Variants in RAB11FIP4 observed in about 807,000 individuals in gnomAD.
RAB11FIP4 encodes RAB11 family interacting protein 4.
In RAB11FIP4, 23 loss-of-function variants were observed where a neutral mutation model predicts 74.3. That is an observed-to-expected ratio of 0.31 (90% CI 0.22 to 0.44). The LOEUF is 0.44. RAB11FIP4 is among the 20% of genes least tolerant of loss of function. The probability of loss-of-function intolerance (pLI) is 1.00; values close to 1 mark genes in which losing one functional copy is unlikely to be tolerated. For synonymous variants in RAB11FIP4, 360 were observed against 359.9 expected (o/e 1.00, Z 0.00); for missense variants, 630 against 863.9 (o/e 0.73, Z 3.39).
intron 3 of RAB11FIP4, among the ~76,000 whole-genome samples, chr17:31,485,031 T>C (rs2071887608): frequency 6.6e-6 from 1 of 152,222 alleles, no homozygotes; most frequent in South Asian, 2.1e-4. Context: ...AGCTCACTCA[T>C]GCTGCTGGTA....
chr17:31,438,544 C>A (rs563919592), intron 3 of RAB11FIP4, among the ~76,000 whole-genome samples: 1 of 152,206 alleles, frequency 6.6e-6, no homozygotes, highest in Admixed American at 6.5e-5. Context: ...CACCCACTGA[C>A]CGGGCGTCCT....
At chr17:31,415,376 A>G (rs1488466370) in intron 1 of RAB11FIP4, among the ~76,000 whole-genome samples, 1 of 152,148 alleles carries the variant, frequency 6.6e-6, no homozygotes, top group Non-Finnish European at 1.5e-5. Flanking sequence ...GGGGAAGTAA[A>G]AGGCTCGGAA....
chr17:31,443,261 A>T (rs899785641), intron 3 of RAB11FIP4, among the ~76,000 whole-genome samples: 1 of 152,200 alleles, frequency 6.6e-6, no homozygotes, highest in Admixed American at 6.5e-5. Flanking sequence ...ATTTTTTAAG[A>T]ACCAGAAATA....
intron 3 of RAB11FIP4, among the ~76,000 whole-genome samples, chr17:31,477,015 C>T (rs2071800498): frequency 1.3e-5 from 2 of 152,226 alleles, no homozygotes; most frequent in South Asian, 2.1e-4. Context: ...GCCGCCCTCT[C>T]CCCAGCCCCA....
chr17:31,522,428 TGCTGTCCCCATGCTGCCCACTGGCCGGG>T (rs770362492), intron 7 of RAB11FIP4, 33 bp downstream of exon 7: 13 of 1,608,094 alleles, frequency 8.1e-6, no homozygotes, highest in Non-Finnish European at 1.0e-5. Flanking sequence ...GCAAATTGAG[TGCTGTCCCCATGCTGCCCACTGGCCGGG>T]GCTCCCTGCC....
intron 3 of RAB11FIP4, among the ~76,000 whole-genome samples, chr17:31,439,389 C>CA (rs1173023509): frequency 4.6e-5 from 7 of 152,350 alleles, no homozygotes; most frequent in Non-Finnish European, 1.0e-4. Flanking sequence ...GCCATCCATC[C>CA]ACCTGCTGGT....
At chr17:31,481,641 T>C (rs192236934) in intron 3 of RAB11FIP4, among the ~76,000 whole-genome samples, 2 of 152,254 alleles carry the variant, frequency 1.3e-5, no homozygotes, top group East Asian at 1.9e-4. Context: ...TCTCACCCAA[T>C]TCAAGTCAAA....
intron 3 of RAB11FIP4, among the ~76,000 whole-genome samples, chr17:31,445,592 T>TGACACGGAG (rs2071455442): frequency 9.2e-6 from 1 of 109,120 alleles, no homozygotes; most frequent in African/African-American, 4.0e-5. Flanking sequence ...TTTTTTTTTT[T>TGACACGGAG]TTTTTTTTTT....
At chr17:31,471,861 C>T (rs2043206049) in intron 3 of RAB11FIP4, among the ~76,000 whole-genome samples, 1 of 152,092 alleles carries the variant, frequency 6.6e-6, no homozygotes, top group Non-Finnish European at 1.5e-5. Flanking sequence ...TGGCTGAAGC[C>T]CTCAAATGCA....
chr17:31,451,504 C>T (rs1315689263), intron 3 of RAB11FIP4, among the ~76,000 whole-genome samples: 3 of 151,886 alleles, frequency 2.0e-5, no homozygotes, highest in Non-Finnish European at 4.4e-5. Context: ...TCCTCCTCTC[C>T]CTTGCATAAG....
intron 3 of RAB11FIP4, among the ~76,000 whole-genome samples, chr17:31,505,481 A>T (rs1442745900): frequency 5.0e-4 from 30 of 59,958 alleles, no homozygotes; most frequent in Non-Finnish European, 8.1e-4. Context: ...AATAATTATA[A>T]TATATAATAT....
intron 3 of RAB11FIP4, among the ~76,000 whole-genome samples, chr17:31,477,085 C>T (rs118018916): frequency 0.01 from 1,599 of 152,306 alleles, 63 homozygotes; most frequent in Admixed American, 0.052. Flanking sequence ...GGGTAGCTTG[C>T]GTGTTGTGGT....
At chr17:31,528,373 C>A in intron 11 of RAB11FIP4, 33 bp from the exon 12 acceptor site, 1 of 1,599,972 alleles carries the variant, frequency 6.3e-7, no homozygotes, top group Non-Finnish European at 8.5e-7. Flanking sequence ...TCTCTGGGAA[C>A]TCTCCTCCCC....
chr17:31,443,625 G>T, intron 3 of RAB11FIP4, among the ~76,000 whole-genome samples: 1 of 97,174 alleles, frequency 1.0e-5, no homozygotes, highest in South Asian at 3.3e-4. Flanking sequence ...AGGAAGTGAG[G>T]TTTGCCCGGT....
At chr17:31,480,967 C>G (rs190094936) in intron 3 of RAB11FIP4, among the ~76,000 whole-genome samples, 8 of 152,218 alleles carry the variant, frequency 5.3e-5, no homozygotes, top group African/African-American at 1.9e-4. Flanking sequence ...CAAGAATCAA[C>G]CAAGACTTGG....
At chr17:31,521,079 A>T in intron 4 of RAB11FIP4, 87 bp from the exon 5 acceptor site, 1 of 1,075,572 alleles carries the variant, frequency 9.3e-7, no homozygotes, top group Non-Finnish European at 1.3e-6. Context: ...TGCCAATTAA[A>T]GGGAAATGCC....
chr17:31,528,561 A>G lies in RAB11FIP4; in HGVS notation c.1494+18A>G, dbSNP rs1446788586. On this transcript the variant is annotated intron_variant, in intron 12 of 14. Transcript: ENST00000621161. ...CGCAGGAGGTAGGTCCCAGGCCAGC[A>G]GGCACCAGGGCTCCTTCCAGCATCC... The G allele has an allele frequency of 6.2e-7, 1 of 1,613,626 alleles. No homozygotes were observed.
intron 4 of RAB11FIP4, 109 bp from the exon 5 acceptor site, chr17:31,521,057 C>A: frequency 1.2e-6 from 1 of 836,926 alleles, no homozygotes; most frequent in Non-Finnish European, 1.9e-6. Flanking sequence ...GAGCTACAAA[C>A]TTAATCGGTA....
At chr17:31,523,671 G>A (rs907302885) in intron 8 of RAB11FIP4, 60 bp downstream of exon 8, 12 of 1,488,248 alleles carry the variant, frequency 8.1e-6, no homozygotes, top group Non-Finnish European at 1.1e-5. Flanking sequence ...GGGAGATGGG[G>A]TGCACTCAGG....
Sources: gnomAD v4.1 joint callset for allele counts (sites outside exome capture counted in the v4.1 genomes callset) on GRCh38, gnomAD v4.1.1 for gene constraint, MANE v1.5 for transcripts, NCBI Gene and HGNC (gene_info 2026-07-23, HGNC 2026-07-21) for gene names.